Variants in NFIB observed in about 807,000 individuals in gnomAD.
NFIB encodes the protein nuclear factor I B.
In NFIB, 11 loss-of-function variants were observed where a neutral mutation model predicts 61.5. The observed-to-expected ratio is 0.18, with a 90% CI of 0.11 to 0.30. NFIB has a LOEUF of 0.30. Ranked by LOEUF, NFIB falls within the 10% of genes least tolerant of loss-of-function variation. The pLI is 1.00. For missense variants in NFIB, 471 were observed against 608.9 expected (o/e 0.77, Z 2.38); for synonymous variants, 260 against 216.5 (o/e 1.20, Z -1.76).
intron 1 of NFIB, chr9:14,322,076 T>TAAAAA (rs3081606): frequency 1.0e-6 from 1 of 972,842 alleles, no homozygotes; most frequent in African/African-American, 2.3e-5. Context: ...TGTGTTTAGT[T>TAAAAA]AAAAAAAAAA....
the NFIB span, among the ~76,000 whole-genome samples, chr9:14,525,599 T>C: frequency 6.6e-6 from 1 of 152,160 alleles, no homozygotes; most frequent in Non-Finnish European, 1.5e-5. Flanking sequence ...CTTAAAATCA[T>C]GGTATTTAAT....
chr9:14,232,566 A>G (rs1240097350), intron 2 of NFIB, among the ~76,000 whole-genome samples: 2 of 152,218 alleles, frequency 1.3e-5, no homozygotes, highest in Non-Finnish European at 2.9e-5. Flanking sequence ...CAAGGGAGAC[A>G]GGAAGACTAA....
chr9:14,425,708 C>G, the NFIB span, among the ~76,000 whole-genome samples: 1 of 147,962 alleles, frequency 6.8e-6, no homozygotes, highest in African/African-American at 2.5e-5. Flanking sequence ...ATTGCCACAG[C>G]AAACCCAGAA....
chr9:14,359,089 G>A (rs146466787), intron 1 of NFIB, among the ~76,000 whole-genome samples: 13 of 152,268 alleles, frequency 8.5e-5, no homozygotes, highest in African/African-American at 2.9e-4. Flanking sequence ...TGGTAGCAGC[G>A]TTTACACTAC....
At chr9:14,348,649 C>T (rs996746103) in intron 1 of NFIB, among the ~76,000 whole-genome samples, 7 of 152,346 alleles carry the variant, frequency 4.6e-5, no homozygotes, top group African/African-American at 1.7e-4. Flanking sequence ...TTCTTCTGCG[C>T]AATACTGGCA....
intron 8 of NFIB, among the ~76,000 whole-genome samples, chr9:14,118,337 C>G (rs970690560): frequency 2.0e-5 from 3 of 152,080 alleles, no homozygotes; most frequent in African/African-American, 7.2e-5. Flanking sequence ...AACAAAATGT[C>G]TGGAGCAGAA....
intron 1 of NFIB, among the ~76,000 whole-genome samples, chr9:14,369,929 T>G (rs1233937010): frequency 6.6e-6 from 1 of 152,196 alleles, no homozygotes; most frequent in Non-Finnish European, 1.5e-5. Flanking sequence ...CTCTGAAAAC[T>G]TTGGGGGCTA....
chr9:14,407,776 C>T, the NFIB span, among the ~76,000 whole-genome samples: 1 of 152,100 alleles, frequency 6.6e-6, no homozygotes, highest in Non-Finnish European at 1.5e-5. Flanking sequence ...AACTTAAACT[C>T]CTGGGCTCAA....
the NFIB span, among the ~76,000 whole-genome samples, chr9:14,467,944 C>A: frequency 9.2e-5 from 14 of 152,356 alleles, no homozygotes; most frequent in African/African-American, 3.4e-4. Flanking sequence ...CTGATCTGTG[C>A]AATTCCAAGT....
intron 1 of NFIB, among the ~76,000 whole-genome samples, chr9:14,343,211 A>G (rs1056794914): frequency 1.3e-5 from 2 of 152,204 alleles, no homozygotes; most frequent in Non-Finnish European, 2.9e-5. Flanking sequence ...TAAGTCAACC[A>G]TCCTTGGAGA....
At chr9:14,435,146 T>C in the NFIB span, among the ~76,000 whole-genome samples, 41 of 152,324 alleles carry the variant, frequency 2.7e-4, no homozygotes, top group Middle Eastern at 6.8e-3. Flanking sequence ...ATGCATGCCC[T>C]ATGCAGGAAC....
At chr9:14,243,315 C>G (rs1462243408) in intron 2 of NFIB, among the ~76,000 whole-genome samples, 1 of 152,054 alleles carries the variant, frequency 6.6e-6, no homozygotes, top group Non-Finnish European at 1.5e-5. Flanking sequence ...CTTATATTAC[C>G]TTCTCAAAAA....
At chr9:14,277,238 A>G (rs989602904) in intron 2 of NFIB, among the ~76,000 whole-genome samples, 1 of 152,174 alleles carries the variant, frequency 6.6e-6, no homozygotes, top group African/African-American at 2.4e-5. Context: ...GAAATCCTCA[A>G]ATCCTCCAAA....
intron 5 of NFIB, among the ~76,000 whole-genome samples, chr9:14,148,665 A>T (rs1007005341): frequency 5.9e-5 from 9 of 152,192 alleles, no homozygotes; most frequent in Non-Finnish European, 1.3e-4. Flanking sequence ...TAAGGTAAGG[A>T]CGTCTGACTT....
chr9:14,236,629 G>C lies in NFIB; in HGVS notation c.563-56849C>G, dbSNP rs368391630. Among the ~76,000 whole-genome samples, 247 of 152,284 alleles carry C rather than the reference G, an allele frequency of 1.6e-3. 1 individual carries two copies. The highest frequency in any genetic ancestry group is 5.8e-3 in the African/African-American group (241 of 41,560). ...TAGACCAGACAGTCCTCACGTCATT[G>C]CTACAATTAAATTCCAGAGAATTTT... On this transcript the variant is annotated intron_variant, in intron 2 of 10. Transcript: ENST00000380953.
At position 14,215,895 on chromosome 9, in the gene NFIB, G is replaced by A. The variant is rs1038137507; in HGVS notation, c.563-36115C>T. 2.6e-5 allele frequency among the ~76,000 whole-genome samples: 4 copies of A among 152,194 alleles called. No homozygotes were observed. In the South Asian group the frequency reaches 6.2e-4, roughly 24 times the overall value. ...TTCATCATCTTGTAAAAGGCAAATAGCAATCTCTCCCAAGCAGCACTGTAC... is the reference window on the plus strand; with the variant it reads ...TTCATCATCTTGTAAAAGGCAAATAACAATCTCTCCCAAGCAGCACTGTAC... On this transcript the variant is annotated intron_variant, in intron 2 of 10. Transcript: ENST00000380953.
the NFIB span, among the ~76,000 whole-genome samples, chr9:14,421,432 A>G: frequency 2.6e-5 from 4 of 152,236 alleles, no homozygotes; most frequent in Admixed American, 6.5e-5. Context: ...CTTTCATAAG[A>G]TAAGATGTAA....
chr9:14,237,852 T>A (rs1162074730), intron 2 of NFIB, among the ~76,000 whole-genome samples: 1 of 125,620 alleles, frequency 8.0e-6, no homozygotes, highest in African/African-American at 3.2e-5. Context: ...AGTGTGTGTG[T>A]GTGTGTGTGT....
intron 2 of NFIB, among the ~76,000 whole-genome samples, chr9:14,252,069 A>C (rs964125709): frequency 1.3e-5 from 2 of 152,340 alleles, no homozygotes; most frequent in Admixed American, 6.5e-5. Flanking sequence ...TGTAAGGAGT[A>C]GCCAGTTTTT....
Sources: gnomAD v4.1 joint callset for allele counts (sites outside exome capture counted in the v4.1 genomes callset) on GRCh38, gnomAD v4.1.1 for gene constraint, MANE v1.5 for transcripts, NCBI Gene and HGNC (gene_info 2026-07-23, HGNC 2026-07-21) for gene names.